Variants in ADGRL4 observed in about 807,000 individuals in gnomAD.
The protein encoded by ADGRL4 is adhesion G protein-coupled receptor L4.
A neutral mutation model predicts 74.8 loss-of-function variants in ADGRL4; 90 were observed. The observed-to-expected ratio is 1.20, with a 90% CI of 1.02 to 1.43. ADGRL4 has a LOEUF of 1.43. Among genes scored for constraint, ADGRL4 ranks in the 40% most tolerant of loss-of-function variants. The probability of loss-of-function intolerance (pLI) is 0.00; values close to 1 mark genes in which losing one functional copy is unlikely to be tolerated. For synonymous variants in ADGRL4, 311 were observed against 279.2 expected (o/e 1.11, Z -1.14); for missense variants, 881 against 814.3 (o/e 1.08, Z -1.00).
At chr1:78,981,867 C>T (rs6665993) in intron 2 of ADGRL4, among the ~76,000 whole-genome samples, 150,031 of 151,844 alleles carry the variant, frequency 0.99, 74,155 homozygotes, top group Middle Eastern at 1. Context: ...ATGTCCTTGA[C>T]ATAATTACAG....
intron 8 of ADGRL4, among the ~76,000 whole-genome samples, chr1:78,923,642 TA>T (rs576641212): frequency 2.4e-3 from 366 of 151,798 alleles, no homozygotes; most frequent in African/African-American, 8.2e-3. Flanking sequence ...ATAGCTTTTT[TA>T]AAAAAATATA....
At chr1:78,913,708 A>G (rs1412661930) in intron 12 of ADGRL4, among the ~76,000 whole-genome samples, 1 of 151,898 alleles carries the variant, frequency 6.6e-6, no homozygotes, top group Non-Finnish European at 1.5e-5. Context: ...AATAATCCAT[A>G]CAACAAATCC....
chr1:78,937,490 G>A (rs147816982), intron 6 of ADGRL4, among the ~76,000 whole-genome samples: 189 of 152,272 alleles, frequency 1.2e-3, no homozygotes, highest in African/African-American at 4.4e-3. Flanking sequence ...GGTCAAGGTA[G>A]ATCCTAACAA....
intron 12 of ADGRL4, among the ~76,000 whole-genome samples, chr1:78,901,689 T>G (rs1325184414): frequency 1.3e-5 from 2 of 152,202 alleles, no homozygotes; most frequent in African/African-American, 4.8e-5. Flanking sequence ...ACAGCAAGTA[T>G]GATGCCACAG....
Position 78,920,215 on chromosome 1 carries a change from A to G in ADGRL4, c.1429T>C (p.Phe477Leu). 2 of 1,611,688 alleles carry G rather than the reference A, an allele frequency of 1.2e-6. No homozygotes were observed. Among genetic ancestry groups the G allele is most frequent in the Non-Finnish European group, 1.7e-6 (2 of 1,178,662 alleles). Residue 477 changes from phenylalanine (F) to leucine (L), a missense_variant, in exon 10 of 15, where the codon TTT (phenylalanine) becomes CTT (leucine). Transcript: ENST00000370742. ...GTATTTGTATTGATCCCAACAAGAA[A>G]AACAAGTTCAGCAAGAAATAGGCTA... The part of the protein sequence containing the change: ...CCSLFLAELV[F>L]LVGINTNTNK...
At chr1:78,973,125 T>C (rs1322746272) in intron 2 of ADGRL4, among the ~76,000 whole-genome samples, 1 of 152,190 alleles carries the variant, frequency 6.6e-6, no homozygotes, top group African/African-American at 2.4e-5. Flanking sequence ...GGAACTAGTT[T>C]CAAGGCATTT....
chr1:78,918,735 A>G (rs953239489), intron 10 of ADGRL4, among the ~76,000 whole-genome samples: 5 of 151,972 alleles, frequency 3.3e-5, no homozygotes, highest in African/African-American at 7.2e-5. Flanking sequence ...GAGAGATAAC[A>G]TAATACATAC....
intron 2 of ADGRL4, among the ~76,000 whole-genome samples, chr1:78,975,081 G>T (rs11162582): frequency 0.075 from 11,352 of 152,054 alleles, 649 homozygotes; most frequent in East Asian, 0.34. Context: ...TTTGTCTTTT[G>T]ACTCCTATTA....
At chr1:78,904,843 A>G (rs1648602509) in intron 12 of ADGRL4, among the ~76,000 whole-genome samples, 2 of 152,090 alleles carry the variant, frequency 1.3e-5, no homozygotes, top group Non-Finnish European at 2.9e-5. Context: ...TAATTAATGT[A>G]AAGTACTCCA....
At chr1:78,961,212 G>C (rs972576638) in intron 2 of ADGRL4, among the ~76,000 whole-genome samples, 10 of 151,986 alleles carry the variant, frequency 6.6e-5, no homozygotes. Flanking sequence ...CTCCCCAGTA[G>C]CTGGGTGCCA....
chr1:78,996,826 G>GA (rs1650726547), intron 2 of ADGRL4, among the ~76,000 whole-genome samples: 1 of 152,124 alleles, frequency 6.6e-6, no homozygotes, highest in African/African-American at 2.4e-5. Context: ...TATAGCAGGT[G>GA]AAAAAATACT....
rs1386349662 is a variant in ADGRL4, at chr1:78,891,333, A to G, written c.2011-117T>C. 7 of 1,268,890 alleles carry G rather than the reference A, an allele frequency of 5.5e-6. No homozygotes were observed. In the East Asian group the frequency reaches 1.0e-4, roughly 18 times the overall value. 78.6% of individuals were successfully genotyped at this position (1,268,890 alleles called of 1,614,324 possible). On this transcript the variant is annotated intron_variant, in intron 14 of 14. Coordinates refer to ENST00000370742, the MANE Select transcript of ADGRL4 (RefSeq NM_022159.4). ...TTTCTAAAGTATTATAGCTCAGAAT[A>G]TGTCCATTTAAGTTATATTTATATC...
intron 2 of ADGRL4, among the ~76,000 whole-genome samples, chr1:78,978,692 C>T (rs181013190): frequency 2.4e-3 from 372 of 152,028 alleles, no homozygotes; most frequent in African/African-American, 8.3e-3. Flanking sequence ...AAGTGTTTTA[C>T]GTGTGCTGTT....
intron 2 of ADGRL4, among the ~76,000 whole-genome samples, chr1:79,002,334 A>G (rs1650861123): frequency 6.6e-6 from 1 of 152,142 alleles, no homozygotes; most frequent in African/African-American, 2.4e-5. Context: ...TTATAACCAT[A>G]CAACGTTTTG....
At chr1:78,945,053 T>A (rs1649566580) in intron 3 of ADGRL4, among the ~76,000 whole-genome samples, 2 of 151,516 alleles carry the variant, frequency 1.3e-5, no homozygotes, top group African/African-American at 4.8e-5. Context: ...TAGTCCCAGC[T>A]ACTCGGTAGG....
intron 7 of ADGRL4, among the ~76,000 whole-genome samples, chr1:78,932,096 A>G (rs1419721435): frequency 6.6e-6 from 1 of 151,502 alleles, no homozygotes; most frequent in Non-Finnish European, 1.5e-5. Flanking sequence ...ACATTTACAG[A>G]ACTCTTACCC....
intron 2 of ADGRL4, among the ~76,000 whole-genome samples, chr1:78,951,702 A>T (rs1311757550): frequency 1.3e-5 from 2 of 152,204 alleles, no homozygotes; most frequent in African/African-American, 4.8e-5. Flanking sequence ...CATTTTACTT[A>T]AGAGGAAACT....
chr1:78,986,834 C>A (rs1650508287), intron 2 of ADGRL4, among the ~76,000 whole-genome samples: 1 of 151,648 alleles, frequency 6.6e-6, no homozygotes, highest in African/African-American at 2.4e-5. Flanking sequence ...AAGTTAAAAC[C>A]TCAAAATGAT....
intron 13 of ADGRL4, 148 bp from the exon 14 acceptor site, chr1:78,891,840 T>C (rs1244429224): frequency 3.1e-6 from 2 of 637,034 alleles, no homozygotes; most frequent in Admixed American, 6.7e-5. Flanking sequence ...AACTGCTAAG[T>C]TGTGCTGCAG....
Sources: allele counts gnomAD v4.1 joint callset (sites outside exome capture counted in the v4.1 genomes callset), GRCh38; gene constraint gnomAD v4.1.1; transcripts MANE v1.5; gene names NCBI Gene and HGNC (gene_info 2026-07-23, HGNC 2026-07-21).